Variants in CADM2 observed in about 807,000 individuals in gnomAD.
The protein encoded by CADM2 is cell adhesion molecule 2.
CADM2 carries 12 observed loss-of-function variants against 49.8 expected under a neutral mutation model. The ratio of observed to expected loss-of-function variants is 0.24; its 90% CI spans 0.15 to 0.39. The LOEUF (loss-of-function observed/expected upper bound fraction) is 0.39, where lower values mean the gene tolerates loss of function less well. Ranked by LOEUF, CADM2 falls within the 10% of genes least tolerant of loss-of-function variation. The probability of loss-of-function intolerance (pLI) is 1.00; values close to 1 mark genes in which losing one functional copy is unlikely to be tolerated. For missense variants in CADM2, 378 were observed against 492.3 expected (o/e 0.77, Z 2.20); for synonymous variants, 214 against 175.4 (o/e 1.22, Z -1.74).
At chr3:85,779,618 C>A (rs2070532660) in intron 2 of CADM2, among the ~76,000 whole-genome samples, 1 of 152,076 alleles carries the variant, frequency 6.6e-6, no homozygotes. Flanking sequence ...TGGGGGTAAC[C>A]AACCCCATGA....
intron 3 of CADM2, among the ~76,000 whole-genome samples, chr3:85,855,578 TAA>T (rs1237229007): frequency 7.3e-6 from 1 of 136,178 alleles, no homozygotes; most frequent in Non-Finnish European, 1.6e-5. Flanking sequence ...TATATATATA[TAA>T]AAAACATATA....
chr3:85,883,030 T>A (rs1357502733), intron 3 of CADM2, among the ~76,000 whole-genome samples: 3 of 152,228 alleles, frequency 2.0e-5, no homozygotes, highest in Admixed American at 6.5e-5. Context: ...CTACCTCATC[T>A]GAAGTATTGC....
At chr3:85,410,083 A>G (rs775893268) in intron 1 of CADM2, among the ~76,000 whole-genome samples, 1 of 152,168 alleles carries the variant, frequency 6.6e-6, no homozygotes, top group Non-Finnish European at 1.5e-5. Flanking sequence ...ACATAAAGGA[A>G]GAAAGGAATA....
chr3:85,279,657 A>T (rs2043451646), intron 1 of CADM2, among the ~76,000 whole-genome samples: 1 of 151,446 alleles, frequency 6.6e-6, no homozygotes. Context: ...TTTTTTAGTT[A>T]TCTAAAATAT....
intron 1 of CADM2, among the ~76,000 whole-genome samples, chr3:85,652,772 C>CTTTTTTTCTTTTT (rs2065084498): frequency 2.0e-5 from 1 of 50,782 alleles, no homozygotes; most frequent in African/African-American, 7.8e-5. Flanking sequence ...TTTTTCTTTT[C>CTTTTTTTCTTTTT]TTTTTTTTTT....
At chr3:85,023,157 A>C (rs73139687) in intron 1 of CADM2, among the ~76,000 whole-genome samples, 19,699 of 152,092 alleles carry the variant, frequency 0.13, 1,659 homozygotes, top group Admixed American at 0.27. Context: ...AATTCAGACT[A>C]AATTTTAGAA....
intron 1 of CADM2, among the ~76,000 whole-genome samples, chr3:85,333,212 TGAATA>T (rs1168011000): frequency 6.6e-6 from 1 of 151,770 alleles, no homozygotes; most frequent in Non-Finnish European, 1.5e-5. Context: ...ACTGTATGAA[TGAATA>T]GAATGATTAT....
At chr3:85,161,521 A>G (rs1415991760) in intron 1 of CADM2, among the ~76,000 whole-genome samples, 3 of 152,104 alleles carry the variant, frequency 2.0e-5, no homozygotes, top group Non-Finnish European at 4.4e-5. Flanking sequence ...CACATGGCCT[A>G]CTAAAACCTA....
At chr3:85,811,970 T>G (rs2072911555) in intron 3 of CADM2, among the ~76,000 whole-genome samples, 1 of 151,946 alleles carries the variant, frequency 6.6e-6, no homozygotes, top group Non-Finnish European at 1.5e-5. Context: ...CTAAGCATAT[T>G]TGATAGTTGA....
chr3:85,956,632 CTGT>C (rs1724086872), intron 7 of CADM2, among the ~76,000 whole-genome samples: 2 of 149,872 alleles, frequency 1.3e-5, no homozygotes, highest in African/African-American at 2.4e-5. Flanking sequence ...TTTGTAGATG[CTGT>C]TGTTATTTCC....
At chr3:85,487,324 G>A (rs1298914909) in intron 1 of CADM2, among the ~76,000 whole-genome samples, 1 of 152,000 alleles carries the variant, frequency 6.6e-6, no homozygotes, top group African/African-American at 2.4e-5. Context: ...AACGATACTG[G>A]GCAGCGAAAC....
At chr3:84,987,351 T>G (rs909498055) in intron 1 of CADM2, among the ~76,000 whole-genome samples, 1 of 152,114 alleles carries the variant, frequency 6.6e-6, no homozygotes, top group Non-Finnish European at 1.5e-5. Context: ...GTCTTTGTTT[T>G]GTTGTGCAAT....
In CADM2 at chr3:86,067,876, T is replaced by C. The variant is rs1160939239; in HGVS notation, c.*1093T>C. 1 of 152,508 alleles carries C rather than the reference T, an allele frequency of 6.6e-6. No homozygotes were observed. The highest frequency in any genetic ancestry group is 1.5e-5 in the Non-Finnish European group (1 of 67,928). 9.4% of individuals were successfully genotyped at this position (152,508 alleles called of 1,614,324 possible). A position where few individuals can be genotyped will look rare whatever the true frequency, so the allele number is the denominator to read the frequency against. The stretch of plus-strand genomic sequence containing the variant: ...AAATTTTTCTAGTTCTTGTTAATTT[T>C]TATTTGTTATACAATGGAAGCACAA... On this transcript the variant is annotated 3_prime_UTR_variant, in exon 10 of 10. Coordinates refer to ENST00000383699, the MANE Select transcript of CADM2 (RefSeq NM_001167675.2).
intron 1 of CADM2, among the ~76,000 whole-genome samples, chr3:85,064,563 T>A (rs557242878): frequency 6.6e-6 from 1 of 152,244 alleles, no homozygotes; most frequent in East Asian, 1.9e-4. Context: ...GGGTTTGTGA[T>A]CATAGTCACT....
rs139759587 is a variant in CADM2 at position 85,889,429 on chromosome 3, C to T, written c.529+3102C>T. On this transcript the variant is annotated intron_variant, in intron 5 of 9. Coordinates refer to ENST00000383699, the MANE Select transcript of CADM2 (RefSeq NM_001167675.2). ...AAGATTTTCTGGTGGAGCAGGCCCA[C>T]GGGGGAGCCTGAAAATGTGCGTGTT... is the stretch of plus-strand genomic sequence containing the variant. 4.2e-3 allele frequency among the ~76,000 whole-genome samples: 646 copies of T among 152,168 alleles called. 4 individuals are homozygous for T. The highest frequency in any genetic ancestry group is 0.015 in the African/African-American group (606 of 41,524).
intron 1 of CADM2, among the ~76,000 whole-genome samples, chr3:85,042,482 T>G: frequency 8.0e-6 from 1 of 125,640 alleles, no homozygotes; most frequent in Admixed American, 7.8e-5. Context: ...TCCACTCTGC[T>G]TTTTTCTTTT....
At chr3:85,956,166 C>A (rs1724027600) in intron 7 of CADM2, among the ~76,000 whole-genome samples, 1 of 151,566 alleles carries the variant, frequency 6.6e-6, no homozygotes, top group Admixed American at 6.6e-5. Context: ...TGTCCTGTTA[C>A]TCCTGGTGTC....
At chr3:85,489,806 T>TGAGAGA (rs60906747) in intron 1 of CADM2, among the ~76,000 whole-genome samples, 1 of 143,920 alleles carries the variant, frequency 6.9e-6, no homozygotes, top group South Asian at 2.2e-4. Context: ...TGTGTGTGTG[T>TGAGAGA]GAGAGAGAGA....
chr3:85,247,837 C>T (rs530060157), intron 1 of CADM2, among the ~76,000 whole-genome samples: 50 of 152,148 alleles, frequency 3.3e-4, no homozygotes, highest in African/African-American at 1.1e-3. Flanking sequence ...ACTTGCCAGG[C>T]ATGTATTATA....
Sources: allele counts gnomAD v4.1 joint callset (sites outside exome capture counted in the v4.1 genomes callset), GRCh38; gene constraint gnomAD v4.1.1; transcripts MANE v1.5; gene names NCBI Gene and HGNC (gene_info 2026-07-23, HGNC 2026-07-21).